Variants in MALRD1 observed in about 807,000 individuals in gnomAD.
The protein encoded by MALRD1 is MAM and LDL receptor class A domain containing 1.
In MALRD1, 247 loss-of-function variants were observed where a neutral mutation model predicts 242.1. The ratio of observed to expected loss-of-function variants is 1.02; its 90% CI spans 0.92 to 1.13. MALRD1 has a LOEUF of 1.13. Ranked by LOEUF, MALRD1 falls within the 50% of genes most tolerant of loss-of-function variation. MALRD1 has a pLI of 0.00. For synonymous variants in MALRD1, 995 were observed against 866.6 expected, an observed-to-expected ratio of 1.15 and a Z score of -2.60; for missense variants, 2,989 against 2,533.1, an observed-to-expected ratio of 1.18 and a Z score of -3.86.
intron 39 of MALRD1, among the ~76,000 whole-genome samples, chr10:19,731,587 A>G (rs1027525242): frequency 2.0e-5 from 3 of 152,072 alleles, no homozygotes; most frequent in African/African-American, 7.2e-5. Flanking sequence ...GTCACATGCT[A>G]TACATTAGAT....
chr10:19,376,386 A>T (rs1451410621), intron 26 of MALRD1, among the ~76,000 whole-genome samples: 1 of 152,056 alleles, frequency 6.6e-6, no homozygotes, highest in Non-Finnish European at 1.5e-5. Context: ...GTGTAGGGGC[A>T]AAATGCTGTT....
At chr10:19,247,597 C>T (rs565825733) in intron 18 of MALRD1, among the ~76,000 whole-genome samples, 2 of 151,772 alleles carry the variant, frequency 1.3e-5, no homozygotes, top group East Asian at 3.9e-4. Flanking sequence ...TCAACATACC[C>T]TCAAATACCA....
chr10:19,278,905 G>C (rs1161923051), intron 19 of MALRD1, among the ~76,000 whole-genome samples: 1 of 152,164 alleles, frequency 6.6e-6, no homozygotes, highest in Non-Finnish European at 1.5e-5. Flanking sequence ...TAAGTAAATT[G>C]CAATGGGAAG....
chr10:19,702,317 C>T (rs1833664563), intron 38 of MALRD1, among the ~76,000 whole-genome samples: 1 of 152,110 alleles, frequency 6.6e-6, no homozygotes, highest in Admixed American at 6.5e-5. Context: ...CTCACTATTC[C>T]CAAAAAGCAT....
chr10:19,200,269 A>G (rs1212076490), intron 14 of MALRD1, among the ~76,000 whole-genome samples: 1 of 152,220 alleles, frequency 6.6e-6, no homozygotes, highest in African/African-American at 2.4e-5. Flanking sequence ...GTAAGTCACA[A>G]TGGCAGCTCT....
At chr10:19,515,018 A>G (rs1035714723) in intron 31 of MALRD1, among the ~76,000 whole-genome samples, 36 of 151,996 alleles carry the variant, frequency 2.4e-4, no homozygotes, top group African/African-American at 8.7e-4. Flanking sequence ...ATGTCCATTC[A>G]GTGTTTGTTT....
At chr10:19,703,101 A>T (rs1225167296) in intron 38 of MALRD1, among the ~76,000 whole-genome samples, 1 of 152,162 alleles carries the variant, frequency 6.6e-6, no homozygotes, top group Non-Finnish European at 1.5e-5. Context: ...ACAGGGGAAA[A>T]AAAGCAACTC....
intron 24 of MALRD1, among the ~76,000 whole-genome samples, chr10:19,346,981 A>G (rs1844160360): frequency 6.6e-6 from 1 of 152,138 alleles, no homozygotes; most frequent in African/African-American, 2.4e-5. Flanking sequence ...AATCATGAAT[A>G]TTGACTTAAA....
chr10:19,581,656 T>G (rs1476519169), intron 33 of MALRD1, among the ~76,000 whole-genome samples: 2 of 148,840 alleles, frequency 1.3e-5, no homozygotes, highest in African/African-American at 5.0e-5. Context: ...TCTTTGCTAT[T>G]GTGAATAATG....
chr10:19,066,743 T>C lies in MALRD1; in HGVS notation c.224T>C (p.Phe75Ser). 1.6e-6 allele frequency: 2 copies of C among 1,233,746 alleles called. No individual in the cohort carries two copies. Among genetic ancestry groups the C allele is most frequent in the Middle Eastern group, 2.1e-4 (1 of 4,838 alleles). 76.4% of individuals were successfully genotyped at this position (1,233,746 alleles called of 1,614,324 possible). ...RHCLNYERCD[F>S]EDGLCHMTQD... The stretch of plus-strand genomic sequence containing the variant: ...GGTTTGAATTATGAAAGATGTGATT[T>C]TGAGGATGGTCTCTGTCATATGACT... Residue 75 changes from phenylalanine to serine, a missense_variant, in exon 2 of 40, where the codon TTT (phenylalanine) becomes TCT (serine). Physicochemically the swap from Phe to Ser is radical, Grantham distance 155. Coordinates refer to ENST00000454679, the MANE Select transcript of MALRD1 (RefSeq NM_001142308.3).
At chr10:19,700,754 CA>C (rs1326818631) in intron 38 of MALRD1, among the ~76,000 whole-genome samples, 1 of 152,024 alleles carries the variant, frequency 6.6e-6, no homozygotes, top group Non-Finnish European at 1.5e-5. Context: ...CTGCCAAAAA[CA>C]ATTATCACCC....
At chr10:19,242,627 A>T (rs1178423969) in intron 18 of MALRD1, among the ~76,000 whole-genome samples, 1 of 152,084 alleles carries the variant, frequency 6.6e-6, no homozygotes, top group Non-Finnish European at 1.5e-5. Context: ...GTTACACCTA[A>T]GTAATATATA....
At chr10:19,618,942 G>A (rs1419907105) in intron 36 of MALRD1, among the ~76,000 whole-genome samples, 2 of 151,820 alleles carry the variant, frequency 1.3e-5, no homozygotes, top group East Asian at 1.9e-4. Context: ...GTCTACACTC[G>A]CTCACTCTCT....
intron 17 of MALRD1, among the ~76,000 whole-genome samples, chr10:19,209,027 A>G (rs1836915266): frequency 6.6e-6 from 1 of 152,174 alleles, no homozygotes; most frequent in Non-Finnish European, 1.5e-5. Context: ...AAATATTTGG[A>G]AAAAAGTGTC....
chr10:19,418,344 TA>T (rs1488077331), intron 28 of MALRD1, among the ~76,000 whole-genome samples: 3 of 152,194 alleles, frequency 2.0e-5, no homozygotes, highest in African/African-American at 4.8e-5. Context: ...AAAATAATTT[TA>T]AAAAAAGATT....
intron 18 of MALRD1, among the ~76,000 whole-genome samples, chr10:19,231,077 T>C (rs898806065): frequency 6.6e-6 from 1 of 152,148 alleles, no homozygotes; most frequent in Admixed American, 6.5e-5. Context: ...CTCTAGAATT[T>C]ATTCTCAGGA....
chr10:19,512,959 C>T (rs868856532), intron 31 of MALRD1, among the ~76,000 whole-genome samples: 2 of 152,094 alleles, frequency 1.3e-5, no homozygotes, highest in Non-Finnish European at 2.9e-5. Context: ...CAATTAACAT[C>T]GAATTTACTT....
chr10:19,547,797 TATATATATATATATATATATA>T (rs1334605770), intron 32 of MALRD1, among the ~76,000 whole-genome samples: 2 of 13,432 alleles, frequency 1.5e-4, no homozygotes, highest in Non-Finnish European at 3.6e-4. Context: ...TATATATATA[TATATATATATATATATATATA>T]TTTTTTTTTT....
At chr10:19,568,352 T>G (rs915032761) in intron 33 of MALRD1, among the ~76,000 whole-genome samples, 12 of 148,928 alleles carry the variant, frequency 8.1e-5, no homozygotes, top group Non-Finnish European at 4.4e-5. Flanking sequence ...TTTGTTGTTG[T>G]TGTTGTTGTT....
Sources: allele counts gnomAD v4.1 joint callset (sites outside exome capture counted in the v4.1 genomes callset), GRCh38; gene constraint gnomAD v4.1.1; transcripts MANE v1.5; gene names NCBI Gene and HGNC (gene_info 2026-07-23, HGNC 2026-07-21).